Variants in FBXW7 observed in about 807,000 individuals in gnomAD.
FBXW7 encodes F-box and WD repeat domain containing 7, also known as F-box/WD repeat-containing protein 7.
In FBXW7, 11 loss-of-function variants were observed where a neutral mutation model predicts 86.3. The observed-to-expected ratio is 0.13, with a 90% CI of 0.08 to 0.21. The LOEUF is 0.21. Ranked by LOEUF, FBXW7 falls within the 10% of genes least tolerant of loss-of-function variation. The probability of loss-of-function intolerance (pLI) is 1.00; values close to 1 mark genes in which losing one functional copy is unlikely to be tolerated. For synonymous variants in FBXW7, 313 were observed against 297.9 expected, an observed-to-expected ratio of 1.05 and a Z score of -0.52; for missense variants, 488 against 847.4, an observed-to-expected ratio of 0.58 and a Z score of 5.27.
intron 2 of FBXW7, among the ~76,000 whole-genome samples, chr4:152,444,533 A>G (rs1308769338): frequency 2.0e-5 from 3 of 152,218 alleles, no homozygotes; most frequent in Non-Finnish European, 4.4e-5. Flanking sequence ...TCCTAAAATG[A>G]GTACCACAAA....
chr4:152,396,592 T>C (rs929003476), intron 4 of FBXW7, among the ~76,000 whole-genome samples: 1 of 152,058 alleles, frequency 6.6e-6, no homozygotes, highest in Non-Finnish European at 1.5e-5. Flanking sequence ...AAGGAGTCCA[T>C]GTGTTTTTCA....
chr4:152,535,530 G>A lies in FBXW7; in HGVS notation c.-616C>T. On this transcript the variant is annotated 5_prime_UTR_variant, in exon 1 of 14. Coordinates refer to ENST00000281708, the MANE Select transcript of FBXW7 (RefSeq NM_001349798.2). ...GGTTGCCGAGCTTGGTTGGGGCCCC[G>A]GTTCATACACTCCGGGGCAAGATGC... The A allele has an allele frequency of 2.5e-6, 1 of 395,468 alleles. No homozygotes were observed. Among genetic ancestry groups the A allele is most frequent in the East Asian group, 3.6e-5 (1 of 27,882 alleles). The allele number at this position is 395,468 out of a possible 1,614,324, so 24.5% of individuals were successfully genotyped here.
At chr4:152,453,262 A>G (rs1742078150) in intron 2 of FBXW7, among the ~76,000 whole-genome samples, 1 of 152,222 alleles carries the variant, frequency 6.6e-6, no homozygotes, top group South Asian at 2.1e-4. Context: ...ACAGTCAAAC[A>G]GGAAAGATGA....
At chr4:152,344,647 A>G (rs760346079) in intron 6 of FBXW7, among the ~76,000 whole-genome samples, 3 of 152,146 alleles carry the variant, frequency 2.0e-5, no homozygotes, top group Non-Finnish European at 4.4e-5. Flanking sequence ...TTTATTTAAA[A>G]AGCATAAGCT....
chr4:152,485,532 GA>G (rs1745261366), intron 2 of FBXW7, among the ~76,000 whole-genome samples: 1 of 152,054 alleles, frequency 6.6e-6, no homozygotes, highest in African/African-American at 2.4e-5. Context: ...ATGAAACAAG[GA>G]AAGAAAAGAA....
intron 4 of FBXW7, 129 bp downstream of exon 4, chr4:152,411,174 C>G (rs538289507): frequency 3.2e-6 from 4 of 1,266,158 alleles, no homozygotes; most frequent in Non-Finnish European, 4.1e-6. Flanking sequence ...AGACAAAAAA[C>G]TAGTTCATTT....
chr4:152,364,906 C>T (rs1733324303), intron 4 of FBXW7, among the ~76,000 whole-genome samples: 3 of 152,124 alleles, frequency 2.0e-5, no homozygotes, highest in African/African-American at 7.2e-5. Flanking sequence ...TTTCAGTCTG[C>T]CACAGATACT....
intron 2 of FBXW7, among the ~76,000 whole-genome samples, chr4:152,494,906 A>G (rs921369205): frequency 1.3e-5 from 2 of 152,232 alleles, no homozygotes; most frequent in African/African-American, 4.8e-5. Context: ...TGATGAAGAA[A>G]CAAATATAAG....
At chr4:152,514,993 T>C (rs1748342432) in intron 2 of FBXW7, among the ~76,000 whole-genome samples, 1 of 151,934 alleles carries the variant, frequency 6.6e-6, no homozygotes, top group South Asian at 2.1e-4. Context: ...AGACAATAAG[T>C]AGAAATATGG....
At chr4:152,501,539 G>A (rs561152385) in intron 2 of FBXW7, among the ~76,000 whole-genome samples, 7 of 152,242 alleles carry the variant, frequency 4.6e-5, no homozygotes, top group African/African-American at 1.7e-4. Context: ...GCCACTACTG[G>A]TTTTAAAACC....
At chr4:152,348,840 C>G (rs1731519826) in intron 5 of FBXW7, 1 of 259,940 alleles carries the variant, frequency 3.8e-6, no homozygotes, top group Admixed American at 5.3e-5. Flanking sequence ...CTCTATCCCT[C>G]CACACCCTCT....
chr4:152,498,123 T>C (rs1176622132), intron 2 of FBXW7, among the ~76,000 whole-genome samples: 2 of 152,192 alleles, frequency 1.3e-5, no homozygotes, highest in African/African-American at 4.8e-5. Flanking sequence ...ACCCTGAGGT[T>C]AGATACACAG....
In FBXW7 at chr4:152,478,489, T is replaced by C. The variant is rs370220853; in HGVS notation, c.-120+56452A>G. ...GTTCACAGACATTTGGCCTTTTTCA[T>C]CTTTTATTTAGTATGAGTAATGCTG... On this transcript the variant is annotated intron_variant, in intron 2 of 13. Coordinates refer to ENST00000281708, the MANE Select transcript of FBXW7 (RefSeq NM_001349798.2). Among the ~76,000 whole-genome samples the C allele has an allele frequency of 1.2e-4, 18 of 152,278 alleles. No individual in the cohort carries two copies. In the East Asian group the frequency reaches 1.5e-3, roughly 13 times the overall value.
chr4:152,416,059 T>C (rs1001115057), intron 2 of FBXW7, among the ~76,000 whole-genome samples: 2 of 152,160 alleles, frequency 1.3e-5, no homozygotes, highest in African/African-American at 4.8e-5. Context: ...AATTTATTTC[T>C]GTACTATCTG....
chr4:152,501,063 A>G (rs1210646656), intron 2 of FBXW7, among the ~76,000 whole-genome samples: 2 of 152,248 alleles, frequency 1.3e-5, no homozygotes, highest in Non-Finnish European at 2.9e-5. Flanking sequence ...CTGTGGAAGA[A>G]GCTTAAGACA....
At chr4:152,341,229 G>C (rs1325169413) in intron 6 of FBXW7, among the ~76,000 whole-genome samples, 1 of 152,094 alleles carries the variant, frequency 6.6e-6, no homozygotes, top group Non-Finnish European at 1.5e-5. Flanking sequence ...TCCTTAGGTT[G>C]GCCTACAACA....
At chr4:152,450,375 A>C (rs1385992840) in intron 2 of FBXW7, among the ~76,000 whole-genome samples, 1 of 152,210 alleles carries the variant, frequency 6.6e-6, no homozygotes. Context: ...TGCTGCTGCT[A>C]CACAGCTATT....
intron 6 of FBXW7, among the ~76,000 whole-genome samples, chr4:152,341,494 T>G (rs997147612): frequency 6.6e-6 from 1 of 152,182 alleles, no homozygotes; most frequent in African/African-American, 2.4e-5. Flanking sequence ...GGAAAAAGTG[T>G]TTTTTGTCTG....
intron 2 of FBXW7, among the ~76,000 whole-genome samples, chr4:152,419,494 A>ACAC: frequency 8.1e-6 from 1 of 123,264 alleles, no homozygotes; most frequent in Non-Finnish European, 1.7e-5. Context: ...GGATAAGGTA[A>ACAC]ACACACACAC....
Sources: allele counts gnomAD v4.1 joint callset (sites outside exome capture counted in the v4.1 genomes callset), GRCh38; gene constraint gnomAD v4.1.1; transcripts MANE v1.5; gene names NCBI Gene and HGNC (gene_info 2026-07-23, HGNC 2026-07-21).